Variants in GNAQ observed in about 807,000 individuals in gnomAD.
GNAQ encodes the protein guanine nucleotide-binding protein G(q) subunit alpha.
In GNAQ, 8 loss-of-function variants were observed where a neutral mutation model predicts 43.9. The ratio of observed to expected loss-of-function variants is 0.18; its 90% CI spans 0.11 to 0.33. GNAQ has a LOEUF of 0.33. GNAQ is among the 10% of genes least tolerant of loss of function. The pLI, the probability that GNAQ is intolerant of heterozygous loss-of-function variation, is 1.00. For missense variants in GNAQ, 158 were observed against 450.8 expected, an observed-to-expected ratio of 0.35 and a Z score of 5.88; for synonymous variants, 155 against 170.7, an observed-to-expected ratio of 0.91 and a Z score of 0.71.
chr9:77,828,536 C>G (rs867578553), intron 2 of GNAQ, among the ~76,000 whole-genome samples: 1 of 152,208 alleles, frequency 6.6e-6, no homozygotes, highest in Non-Finnish European at 1.5e-5. Context: ...TGTATCGTGC[C>G]TGTCACTGCT....
Position 77,776,095 on chromosome 9 carries a change from A to G in GNAQ, c.735+18368T>C, listed in dbSNP as rs78314135. Among the ~76,000 whole-genome samples, 646 of 152,332 alleles carry G rather than the reference A, an allele frequency of 4.2e-3. 4 individuals carry two copies. The highest frequency in any genetic ancestry group is 0.015 in the African/African-American group (617 of 41,568). ...AAATTAACCACAGGCTTGCAACAAC[A>G]TAACATTTATTCAAGAAAAACAGCT... On this transcript the variant is annotated intron_variant, in intron 5 of 6. Transcript: ENST00000286548.
At chr9:77,839,628 G>A (rs1278724302) in intron 2 of GNAQ, among the ~76,000 whole-genome samples, 1 of 152,248 alleles carries the variant, frequency 6.6e-6, no homozygotes, top group Non-Finnish European at 1.5e-5. Context: ...TGCCTGCCCT[G>A]AAGCATCATG....
chr9:77,994,868 T>C (rs544703784), intron 1 of GNAQ, among the ~76,000 whole-genome samples: 8 of 152,348 alleles, frequency 5.3e-5, no homozygotes, highest in Admixed American at 3.9e-4. Context: ...CATATATGAC[T>C]AATGCTAGGA....
intron 2 of GNAQ, among the ~76,000 whole-genome samples, chr9:77,817,975 A>C (rs564098388): frequency 6.6e-6 from 1 of 152,320 alleles, no homozygotes; most frequent in African/African-American, 2.4e-5. Context: ...CACAGTTAAA[A>C]GAAGCTACTT....
chr9:77,724,676 T>C (rs1587883978), intron 6 of GNAQ, among the ~76,000 whole-genome samples: 1 of 152,176 alleles, frequency 6.6e-6, no homozygotes, highest in Non-Finnish European at 1.5e-5. Context: ...AATAAACTTA[T>C]ATCTGATAAT....
At chr9:77,929,899 C>A (rs1450226668) in intron 1 of GNAQ, among the ~76,000 whole-genome samples, 1 of 152,082 alleles carries the variant, frequency 6.6e-6, no homozygotes, top group East Asian at 1.9e-4. Flanking sequence ...CATACTATGA[C>A]AATTATTCTC....
chr9:77,984,855 G>A (rs1285569279), intron 1 of GNAQ, among the ~76,000 whole-genome samples: 1 of 152,144 alleles, frequency 6.6e-6, no homozygotes, highest in East Asian at 1.9e-4. Context: ...AGTGAAGAAT[G>A]GAGCAATCCT....
At chr9:77,877,391 G>A (rs992012710) in intron 2 of GNAQ, among the ~76,000 whole-genome samples, 2 of 152,122 alleles carry the variant, frequency 1.3e-5, no homozygotes, top group African/African-American at 4.8e-5. Flanking sequence ...ATGTAATGAC[G>A]AGAATAGGTA....
chr9:77,906,333 A>G (rs1471376636), intron 2 of GNAQ, among the ~76,000 whole-genome samples: 2 of 152,102 alleles, frequency 1.3e-5, no homozygotes. Flanking sequence ...GAAAGACCTA[A>G]AACACTAATA....
At chr9:77,819,754 A>G (rs929643458) in intron 2 of GNAQ, among the ~76,000 whole-genome samples, 2 of 151,340 alleles carry the variant, frequency 1.3e-5, no homozygotes, top group Admixed American at 6.6e-5. Flanking sequence ...CTAAAGAAAA[A>G]AATCACCAAC....
chr9:77,815,575 TA>T, intron 3 of GNAQ, 40 bp downstream of exon 3: 1 of 1,363,272 alleles, frequency 7.3e-7, no homozygotes, highest in Non-Finnish European at 1.0e-6. Context: ...CACATGGAAG[TA>T]AAGAGAAAAA....
intron 5 of GNAQ, among the ~76,000 whole-genome samples, chr9:77,747,493 T>G (rs1368916710): frequency 6.6e-6 from 1 of 152,206 alleles, no homozygotes; most frequent in Non-Finnish European, 1.5e-5. Flanking sequence ...AACTGAAGAC[T>G]TGACATTCTA....
chr9:78,003,533 G>A (rs1439673756), intron 1 of GNAQ, among the ~76,000 whole-genome samples: 1 of 152,130 alleles, frequency 6.6e-6, no homozygotes, highest in African/African-American at 2.4e-5. Context: ...GACAAGCTGC[G>A]GCCGGACACA....
At chr9:77,800,614 T>C (rs1480243605) in intron 3 of GNAQ, among the ~76,000 whole-genome samples, 1 of 152,160 alleles carries the variant, frequency 6.6e-6, no homozygotes, top group Non-Finnish European at 1.5e-5. Flanking sequence ...TAATGCTAGA[T>C]GACGAGTTAG....
chr9:77,817,182 C>T lies in GNAQ; in HGVS notation c.322-1412G>A, dbSNP rs1321726199. Among the ~76,000 whole-genome samples, 8 of 152,174 alleles carry T rather than the reference C, an allele frequency of 5.3e-5. No homozygotes were observed. In the East Asian group the frequency reaches 5.8e-4, roughly 11 times the overall value. ...GGGGCCCACCTCAATCATCGTTCCCCTCTGAGACTCGCCCTTTGAAAACAG... is the reference window on the plus strand; with the variant it reads ...GGGGCCCACCTCAATCATCGTTCCCTTCTGAGACTCGCCCTTTGAAAACAG... On this transcript the variant is annotated intron_variant, in intron 2 of 6. Transcript: ENST00000286548.
chr9:77,730,070 T>C (rs1269581738), intron 5 of GNAQ, among the ~76,000 whole-genome samples: 1 of 152,240 alleles, frequency 6.6e-6, no homozygotes, highest in Non-Finnish European at 1.5e-5. Flanking sequence ...AATTGGGTCC[T>C]GCTCACCTGG....
intron 2 of GNAQ, among the ~76,000 whole-genome samples, chr9:77,888,649 C>A (rs1828349051): frequency 6.6e-6 from 1 of 152,128 alleles, no homozygotes; most frequent in Non-Finnish European, 1.5e-5. Flanking sequence ...TACTCTGAAT[C>A]TTGAAAAATC....
chr9:77,770,325 T>C (rs1025184583), intron 5 of GNAQ, among the ~76,000 whole-genome samples: 4 of 152,226 alleles, frequency 2.6e-5, no homozygotes, highest in Non-Finnish European at 5.9e-5. Flanking sequence ...CTGGTTAGTT[T>C]ATAATGTGCC....
chr9:78,005,084 C>T (rs2118562957), intron 1 of GNAQ, among the ~76,000 whole-genome samples: 1 of 152,252 alleles, frequency 6.6e-6, no homozygotes, highest in South Asian at 2.1e-4. Context: ...CAGGCTCTTG[C>T]TCTATCACCC....
Sources: gnomAD v4.1 joint callset for allele counts (sites outside exome capture counted in the v4.1 genomes callset) on GRCh38, gnomAD v4.1.1 for gene constraint, MANE v1.5 for transcripts, NCBI Gene and HGNC (gene_info 2026-07-23, HGNC 2026-07-21) for gene names.